The following SCEL variants were observed in gnomAD, a reference collection of about 807,000 sequenced individuals.
The protein encoded by SCEL is sciellin.
Under a neutral mutation model 117.6 loss-of-function variants are expected in SCEL, and 113 were observed. The observed-to-expected ratio is 0.96, with a 90% CI of 0.83 to 1.12. The LOEUF (loss-of-function observed/expected upper bound fraction) is 1.12, where lower values mean the gene tolerates loss of function less well. SCEL is among the 50% of genes most tolerant of loss of function. The pLI, the probability that SCEL is intolerant of heterozygous loss-of-function variation, is 0.00. For synonymous variants in SCEL, 270 were observed against 256.2 expected (o/e 1.05, Z -0.51); for missense variants, 785 against 810.8 (o/e 0.97, Z 0.39).
chr13:77,566,206 G>A (rs761311725), intron 5 of SCEL, among the ~76,000 whole-genome samples: 12 of 152,112 alleles, frequency 7.9e-5, no homozygotes, highest in Non-Finnish European at 1.6e-4. Flanking sequence ...CTACAGAATC[G>A]AATATATGAC....
At chr13:77,625,982 G>T (rs1204637630) in intron 27 of SCEL, among the ~76,000 whole-genome samples, 1 of 152,150 alleles carries the variant, frequency 6.6e-6, no homozygotes, top group Non-Finnish European at 1.5e-5. Context: ...ATTTTTTTAT[G>T]CTTATTCAAT....
intron 9 of SCEL, among the ~76,000 whole-genome samples, chr13:77,587,703 G>A (rs1157422974): frequency 1.3e-5 from 2 of 152,100 alleles, no homozygotes; most frequent in African/African-American, 4.8e-5. Flanking sequence ...CTTGGCTTCT[G>A]GGATGCCACG....
At chr13:77,590,541 G>A (rs943591005) in intron 10 of SCEL, among the ~76,000 whole-genome samples, 4 of 151,894 alleles carry the variant, frequency 2.6e-5, no homozygotes, top group Admixed American at 2.0e-4. Context: ...TAGTACCACC[G>A]ATATTCTAAT....
chr13:77,597,661 G>C (rs1348226511), intron 13 of SCEL, 72 bp downstream of exon 13: 6 of 774,824 alleles, frequency 7.7e-6, no homozygotes, highest in Non-Finnish European at 1.2e-5. Context: ...TCCAGTCTTT[G>C]AGCGTGAGGA....
Position 77,567,887 on chromosome 13 carries a change from A to G in SCEL, c.359+139A>G, listed in dbSNP as rs371600583. ...TCTATCATTACTCCTGTTCATGGCT[A>G]GAATAAAACCTTGTTGTTTAGCTTA... On this transcript the variant is annotated intron_variant, in intron 6 of 32. Coordinates refer to ENST00000349847, the MANE Select transcript of SCEL (RefSeq NM_144777.3). 33 of 591,178 alleles carry G rather than the reference A, an allele frequency of 5.6e-5. No homozygotes were observed. The East Asian group carries it at 9.1e-4, about 16-fold the overall frequency. 36.6% of individuals were successfully genotyped at this position (591,178 alleles called of 1,614,324 possible). A position where few individuals can be genotyped will look rare whatever the true frequency, so the allele number is the denominator to read the frequency against.
chr13:77,556,130 C>A (rs2084643296), intron 2 of SCEL, among the ~76,000 whole-genome samples: 2 of 152,116 alleles, frequency 1.3e-5, no homozygotes, highest in African/African-American at 4.8e-5. Flanking sequence ...ATAAAAATAT[C>A]TTTTTAAAAA....
intron 1 of SCEL, among the ~76,000 whole-genome samples, chr13:77,546,908 C>T (rs1398112313): frequency 6.6e-6 from 1 of 152,174 alleles, no homozygotes; most frequent in African/African-American, 2.4e-5. Context: ...GCTCCTCCCT[C>T]CTGCAAGCCA....
chr13:77,538,115 CTTTTTTTT>C (rs35197581), intron 1 of SCEL, among the ~76,000 whole-genome samples: 1 of 128,976 alleles, frequency 7.8e-6, no homozygotes, highest in South Asian at 2.5e-4. Context: ...AATCAAAAGT[CTTTTTTTT>C]TTTTTTTTTT....
Position 77,608,039 on chromosome 13 carries a change from T to G in SCEL, c.1158-17T>G. 6.3e-7 allele frequency: 1 copy of G among 1,597,620 alleles called. No homozygotes were observed. The highest frequency in any genetic ancestry group is 2.2e-5 in the East Asian group (1 of 44,746). On this transcript the variant is annotated splice_polypyrimidine_tract_variant and intron_variant, in intron 19 of 32. Coordinates refer to ENST00000349847, the MANE Select transcript of SCEL (RefSeq NM_144777.3). Reference sequence around the variant, plus strand: ...TTACGTGTTGTCAATCTTAACCATTTCTTCAATGTTTTAAAGGGGCCAGAG... The same window carrying G: ...TTACGTGTTGTCAATCTTAACCATTGCTTCAATGTTTTAAAGGGGCCAGAG...
rs1253549480 is a variant in SCEL at position 77,567,675 on chromosome 13, T to C, written c.291-5T>C. 2 of 1,602,154 alleles carry C rather than the reference T, an allele frequency of 1.2e-6. No individual in the cohort carries two copies. The highest frequency in any genetic ancestry group is 3.4e-5 in the Admixed American group (2 of 58,540). The stretch of plus-strand genomic sequence containing the variant: ...TCCAGACTTTTGTCTTGTTTCTTTA[T>C]AAAGGATCTCAGACAGAAATGATGC... On this transcript the variant is annotated splice_region_variant and splice_polypyrimidine_tract_variant and intron_variant, in intron 5 of 32. Transcript: ENST00000349847.
chr13:77,537,763 A>G (rs1481096629), intron 1 of SCEL, among the ~76,000 whole-genome samples: 1 of 152,242 alleles, frequency 6.6e-6, no homozygotes, highest in Admixed American at 6.5e-5. Flanking sequence ...CCTGGGGACT[A>G]TGTAAACAAA....
intron 8 of SCEL, among the ~76,000 whole-genome samples, chr13:77,571,861 C>T (rs1435705073): frequency 1.3e-5 from 2 of 152,012 alleles, no homozygotes; most frequent in Admixed American, 6.5e-5. Flanking sequence ...TCATTGTTTT[C>T]TAGATTTGCT....
rs1245993183 is a variant in SCEL, at chr13:77,610,055, G to A, written c.1286G>A (p.Ser429Asn). The part of the protein sequence containing the change: ...GTEKSTEGGQ[S>N]LDSLIKVTPE... ...TTTTCTATGTTTTTAAGGGGCCAAA[G>A]TCTCGACAGCCTCATTAAAGTGACT... The change falls in exon 22 of 33, where the codon AGT becomes AAT. Residue 429 changes from serine to asparagine, a missense_variant. By Grantham distance (46) the Ser-to-Asn change is conservative. Coordinates refer to ENST00000349847, the MANE Select transcript of SCEL (RefSeq NM_144777.3). 1 of 1,609,124 alleles carries A rather than the reference G, an allele frequency of 6.2e-7. No homozygotes were observed. The highest frequency in any genetic ancestry group is 8.5e-7 in the Non-Finnish European group (1 of 1,177,318).
chr13:77,552,587 G>C (rs1053988352), intron 1 of SCEL, among the ~76,000 whole-genome samples: 1 of 152,126 alleles, frequency 6.6e-6, no homozygotes. Flanking sequence ...GTAGATTCTG[G>C]ATATTAGCCC....
At chr13:77,602,841 C>T (rs2087813358) in intron 17 of SCEL, 128 bp downstream of exon 17, 3 of 762,454 alleles carry the variant, frequency 3.9e-6, no homozygotes, top group Non-Finnish European at 6.5e-6. Context: ...CTGATCTTCA[C>T]TTCAAAGAAT....
chr13:77,601,920 A>T, intron 15 of SCEL, 145 bp from the exon 16 acceptor site: 1 of 494,664 alleles, frequency 2.0e-6, no homozygotes, highest in Non-Finnish European at 3.4e-6. Flanking sequence ...ATTTCCAAGG[A>T]CTTCTGATCC....
intron 12 of SCEL, 141 bp downstream of exon 12, chr13:77,593,714 T>C: frequency 1.7e-6 from 1 of 595,210 alleles, no homozygotes. Context: ...AAAGCATCAG[T>C]TTCTCCAGAT....
rs1178381417 is a variant in SCEL, at chr13:77,584,230, C to T, written c.546-4914C>T. 5.9e-5 allele frequency among the ~76,000 whole-genome samples: 9 copies of T among 152,302 alleles called. No homozygotes were observed. The East Asian group carries it at 1.3e-3, about 23-fold the overall frequency. ...TCGCTCTTGCATTTTAATCCCCCTG[C>T]TTGGCATCACATCATGCTCCTGGCA... is the stretch of plus-strand genomic sequence containing the variant. On this transcript the variant is annotated intron_variant, in intron 9 of 32. Transcript: ENST00000349847.
chr13:77,586,072 T>C (rs1443086689), intron 9 of SCEL, among the ~76,000 whole-genome samples: 1 of 152,142 alleles, frequency 6.6e-6, no homozygotes, highest in Admixed American at 6.6e-5. Context: ...CTCATCTTTG[T>C]TGGAGTCATC....
Sources: allele counts gnomAD v4.1 joint callset (sites outside exome capture counted in the v4.1 genomes callset), GRCh38; gene constraint gnomAD v4.1.1; transcripts MANE v1.5; gene names NCBI Gene and HGNC (gene_info 2026-07-23, HGNC 2026-07-21).